Variants in SMC3 observed in about 807,000 individuals in gnomAD.
The protein encoded by SMC3 is structural maintenance of chromosomes protein 3.
Under a neutral mutation model 171.8 loss-of-function variants are expected in SMC3, and 20 were observed. The ratio of observed to expected loss-of-function variants is 0.12; its 90% confidence interval spans 0.08 to 0.17. The LOEUF (loss-of-function observed/expected upper bound fraction) is 0.17, where lower values mean the gene tolerates loss of function less well. Among genes scored for constraint, SMC3 ranks in the 10% least tolerant of loss-of-function variants. The pLI is 1.00. For synonymous variants in SMC3, 464 were observed against 451.1 expected, an observed-to-expected ratio of 1.03 and a Z score of -0.36; for missense variants, 543 against 1,420.4, an observed-to-expected ratio of 0.38 and a Z score of 9.93.
At chr10:110,579,646 A>G (rs1861002360) in intron 7 of SMC3, among the ~76,000 whole-genome samples, 1 of 152,162 alleles carries the variant, frequency 6.6e-6, no homozygotes, top group African/African-American at 2.4e-5. Flanking sequence ...TGTAAGCTCC[A>G]TGAGGGTGGG....
chr10:110,600,996 A>C, intron 22 of SMC3, 26 bp from the exon 23 acceptor site: 1 of 1,543,428 alleles, frequency 6.5e-7, no homozygotes, highest in Non-Finnish European at 9.0e-7. Flanking sequence ...ATTTGAAACT[A>C]ATGGAATTTG....
rs1861439084 is a variant in SMC3, at chr10:110,604,503, G to A, written c.*201G>A. The stretch of plus-strand genomic sequence containing the variant: ...TGATAGTTTAAGAATTTAATTTCCT[G>A]TACAACTTTTTGTAAAATGTTCTGC... On this transcript the variant is annotated 3_prime_UTR_variant, in exon 29 of 29. Coordinates refer to ENST00000361804, the MANE Select transcript of SMC3 (RefSeq NM_005445.4). 13 of 509,786 alleles carry A rather than the reference G, an allele frequency of 2.6e-5. No homozygotes were observed. The highest frequency in any genetic ancestry group is 4.2e-5 in the Non-Finnish European group (12 of 287,142). The allele number at this position is 509,786 out of a possible 1,614,324, so 31.6% of individuals were successfully genotyped here.
chr10:110,589,468 C>T (rs778107800), intron 13 of SMC3, 137 bp from the exon 14 acceptor site: 19 of 643,454 alleles, frequency 3.0e-5, no homozygotes, highest in Middle Eastern at 2.7e-4. Flanking sequence ...TACCCAAAAG[C>T]GTTTTCCATA....
chr10:110,571,770 ATTTAAATAAAAATGGGTTCATT>A (rs146305590), intron 2 of SMC3, among the ~76,000 whole-genome samples: 110,662 of 150,264 alleles, frequency 0.74, 42,065 homozygotes, highest in Non-Finnish European at 0.84. Flanking sequence ...TTTAATATAT[ATTTAAATAAAAATGGGTTCATT>A]TTTAAATAAA....
intron 27 of SMC3, 81 bp from the exon 28 acceptor site, chr10:110,603,103 A>T (rs1293770303): frequency 2.6e-6 from 4 of 1,524,822 alleles, no homozygotes; most frequent in Non-Finnish European, 3.6e-6. Context: ...TTTGAATTTT[A>T]GTAAGAGTAA....
intron 18 of SMC3, among the ~76,000 whole-genome samples, chr10:110,595,810 A>C (rs1861290447): frequency 6.6e-6 from 1 of 151,750 alleles, no homozygotes; most frequent in African/African-American, 2.4e-5. Flanking sequence ...AATTTTCCCA[A>C]ATATGGCCAG....
intron 13 of SMC3, among the ~76,000 whole-genome samples, chr10:110,585,781 A>T (rs995600850): frequency 2.0e-5 from 3 of 151,536 alleles, no homozygotes; most frequent in Non-Finnish European, 2.9e-5. Flanking sequence ...ATTGTATATT[A>T]TATATAATTA....
chr10:110,585,549 T>TA (rs1861099307), intron 13 of SMC3, among the ~76,000 whole-genome samples: 1 of 149,836 alleles, frequency 6.7e-6, no homozygotes, highest in Non-Finnish European at 1.5e-5. Flanking sequence ...TCAGCCTTCC[T>TA]AAGTGCTGGG....
At chr10:110,573,782 C>T in intron 3 of SMC3, 37 bp downstream of exon 3, 1 of 1,296,990 alleles carries the variant, frequency 7.7e-7, no homozygotes, top group East Asian at 2.3e-5. Context: ...TATATTAAGA[C>T]CTGGGTATCT....
At position 110,585,869 on chromosome 10, in the gene SMC3, C is replaced by G. The variant is rs183301890; in HGVS notation, c.1305+1473C>G. ...CTGGAGTGCAGTGGCGCGATCTCGGCTCACTGCACCCTCCGCTTCCCGGGT... is the reference window on the plus strand; with the variant it reads ...CTGGAGTGCAGTGGCGCGATCTCGGGTCACTGCACCCTCCGCTTCCCGGGT... On this transcript the variant is annotated intron_variant, in intron 13 of 28. Coordinates refer to ENST00000361804, the MANE Select transcript of SMC3 (RefSeq NM_005445.4). Among the ~76,000 whole-genome samples, 163 of 152,106 alleles carry G rather than the reference C, an allele frequency of 1.1e-3. 3 individuals carry two copies. In the East Asian group the frequency reaches 0.025, roughly 23 times the overall value.
At chr10:110,604,192 G>A (rs1393075363) in intron 28 of SMC3, 39 bp from the exon 29 acceptor site, 39 of 1,259,914 alleles carry the variant, frequency 3.1e-5, no homozygotes, top group Non-Finnish European at 4.2e-5. Flanking sequence ...AAACACTGAT[G>A]TAATTAACAG....
At chr10:110,571,770 A>ATTTAAATAAAAATGGGTTCATT (rs146305590) in intron 2 of SMC3, among the ~76,000 whole-genome samples, 126 of 150,512 alleles carry the variant, frequency 8.4e-4, no homozygotes, top group African/African-American at 2.4e-3. Context: ...TTTAATATAT[A>ATTTAAATAAAAATGGGTTCATT]TTTAAATAAA....
At chr10:110,598,713 A>G (rs886925775) in intron 20 of SMC3, among the ~76,000 whole-genome samples, 51 of 152,042 alleles carry the variant, frequency 3.4e-4, no homozygotes, top group Non-Finnish European at 5.7e-4. Context: ...GGCTAGACCC[A>G]TACTTTTGGA....
chr10:110,584,653 T>G (rs1455585747), intron 13 of SMC3, among the ~76,000 whole-genome samples: 1 of 152,150 alleles, frequency 6.6e-6, no homozygotes, highest in Non-Finnish European at 1.5e-5. Flanking sequence ...TGAGATAGGG[T>G]CTTGTTCTGT....
At chr10:110,581,574 A>T (rs534920707) in intron 8 of SMC3, among the ~76,000 whole-genome samples, 53 of 152,300 alleles carry the variant, frequency 3.5e-4, no homozygotes, top group Non-Finnish European at 6.0e-4. Flanking sequence ...ATGTTATAAA[A>T]GAACCAGTGT....
chr10:110,578,026 G>A (rs1006698496), intron 6 of SMC3, 112 bp downstream of exon 6: 5 of 739,594 alleles, frequency 6.8e-6, no homozygotes, highest in Admixed American at 2.1e-5. Context: ...GATCCACCTC[G>A]GCTTCCTAAA....
chr10:110,601,168 G>A (rs1333376669), intron 23 of SMC3, 38 bp downstream of exon 23: 3 of 1,410,370 alleles, frequency 2.1e-6, no homozygotes, highest in Admixed American at 1.7e-5. Context: ...TTATATGCAT[G>A]TTTTATAAAA....
chr10:110,599,918 A>G (rs1861360033), intron 21 of SMC3, 106 bp downstream of exon 21: 2 of 1,092,510 alleles, frequency 1.8e-6, no homozygotes, highest in Non-Finnish European at 1.4e-6. Flanking sequence ...CTGAGAAAAT[A>G]TTAAAATGAG....
chr10:110,589,535 C>T, intron 13 of SMC3, 70 bp from the exon 14 acceptor site: 1 of 1,033,914 alleles, frequency 9.7e-7, no homozygotes, highest in Non-Finnish European at 1.5e-6. Flanking sequence ...TCTGCAACCA[C>T]TGATCTGCTT....
Sources: gnomAD v4.1 joint callset for allele counts (sites outside exome capture counted in the v4.1 genomes callset) on GRCh38, gnomAD v4.1.1 for gene constraint, MANE v1.5 for transcripts, NCBI Gene and HGNC (gene_info 2026-07-23, HGNC 2026-07-21) for gene names.